Variants in TEX36 observed in about 807,000 individuals in gnomAD.
TEX36 encodes testis expressed 36, also known as testis-expressed protein 36.
Under a neutral mutation model 13.6 loss-of-function variants are expected in TEX36, and 12 were observed. The observed-to-expected ratio is 0.88, with a 90% CI of 0.56 to 1.43. The LOEUF is 1.43. Ranked by LOEUF, TEX36 falls within the 40% of genes most tolerant of loss-of-function variation. The pLI, the probability that TEX36 is intolerant of heterozygous loss-of-function variation, is 0.00. For missense variants in TEX36, 224 were observed against 228.3 expected (o/e 0.98, Z 0.12); for synonymous variants, 93 against 83.0 (o/e 1.12, Z -0.65).
At chr10:125,579,471 A>G (rs1199113470) in intron 3 of TEX36, among the ~76,000 whole-genome samples, 2 of 152,222 alleles carry the variant, frequency 1.3e-5, no homozygotes, top group African/African-American at 2.4e-5. Flanking sequence ...CGTGGGGATT[A>G]CAATTTGGAT....
At position 125,648,928 on chromosome 10, in the gene TEX36, G is replaced by T. The variant is rs539634937; in HGVS notation, c.264+12093C>A. Among the ~76,000 whole-genome samples, 6 of 152,286 alleles carry T rather than the reference G, an allele frequency of 3.9e-5. No homozygotes were observed. In the South Asian group the frequency reaches 1.2e-3, roughly 32 times the overall value. ...ATCAGTGATTGAAGATCAAATGAAT[G>T]AAATGAAGCAATAATAGAAGTTTAG... On this transcript the variant is annotated intron_variant, in intron 3 of 3. Transcript: ENST00000526819.
Position 125,636,244 on chromosome 10 carries a change from C to T in TEX36, c.265-14599G>A, listed in dbSNP as rs1356130402. 6.4e-5 allele frequency among the ~76,000 whole-genome samples: 9 copies of T among 141,300 alleles called. No homozygotes were observed. The East Asian group carries it at 8.4e-4, about 13-fold the overall frequency. The allele number at this position is 141,300 out of a possible 152,430, so 92.7% of individuals were successfully genotyped here. A position where few individuals can be genotyped will look rare whatever the true frequency, so the allele number is the denominator to read the frequency against. On this transcript the variant is annotated intron_variant, in intron 3 of 3. Transcript: ENST00000526819. ...TTTTTGAGACAGAGTCTTGCTCTGT[C>T]GCCCAGGCTGGAATGCAGTGGTGTG...
At chr10:125,640,058 T>C (rs1366709537) in intron 3 of TEX36, 1 of 638,282 alleles carries the variant, frequency 1.6e-6, no homozygotes, top group African/African-American at 2.0e-5. Context: ...CTGTGGTCAC[T>C]TATTATCCCG....
At chr10:125,654,072 T>A (rs1846905143), downstream of TEX36, among the ~76,000 whole-genome samples, 1 of 152,162 alleles carries the variant, frequency 6.6e-6, no homozygotes, top group Admixed American at 6.5e-5. Context: ...AAAATATAAA[T>A]TTTGGAAATG....
At chr10:125,577,162 G>T (rs987679497) in intron 3 of TEX36, among the ~76,000 whole-genome samples, 2 of 152,144 alleles carry the variant, frequency 1.3e-5, no homozygotes, top group African/African-American at 2.4e-5. Flanking sequence ...CAGGAAGGAA[G>T]TTTTCCAGGA....
intron 3 of TEX36, among the ~76,000 whole-genome samples, chr10:125,592,004 A>G (rs1182547716): frequency 6.6e-6 from 1 of 152,222 alleles, no homozygotes; most frequent in East Asian, 1.9e-4. Context: ...TAGAACTGCA[A>G]ATAAAACTCT....
Position 125,656,009 on chromosome 10 carries a change from C to T in TEX36, c.452G>A (p.Trp151Ter). The T allele has an allele frequency of 6.4e-7, 1 of 1,551,862 alleles. No homozygotes were observed. The highest frequency in any genetic ancestry group is 8.7e-7 in the Non-Finnish European group (1 of 1,146,996). The change falls in exon 4 of 4, where the codon TGG becomes TAG. Residue 151 changes from tryptophan (W) to a stop codon, truncating the protein, a stop_gained. Transcript: ENST00000368821. LOFTEE classifies it low-confidence loss of function (END_TRUNC). The stretch of plus-strand genomic sequence containing the variant: ...CTCAGGAAGAAATGTAAAAGCGTTC[C>T]ATATCTCTTTATAGCATCGTGGAAA... Reference protein sequence around the residue: ...RRFPRCYKEIWNAFTFLPERS... With the variant: ...RRFPRCYKEI
At chr10:125,641,767 T>C (rs570805176) in intron 3 of TEX36, among the ~76,000 whole-genome samples, 21 of 152,340 alleles carry the variant, frequency 1.4e-4, no homozygotes, top group African/African-American at 4.6e-4. Context: ...TTAAAGACTT[T>C]TGTTTTTGTA....
intron 1 of TEX36, among the ~76,000 whole-genome samples, chr10:125,673,710 CAAAAA>C (rs3064205): frequency 2.9e-5 from 2 of 68,440 alleles, no homozygotes; most frequent in African/African-American, 5.3e-5. Context: ...GACTCTCTCT[CAAAAA>C]AAAAAAAAAA....
chr10:125,613,439 C>G (rs1403437883), intron 3 of TEX36, among the ~76,000 whole-genome samples: 1 of 89,810 alleles, frequency 1.1e-5, no homozygotes, highest in Admixed American at 1.6e-4. Flanking sequence ...CCTCCCCCCA[C>G]CCCACAACAG....
downstream of TEX36, among the ~76,000 whole-genome samples, chr10:125,618,546 G>A (rs541479084): frequency 3.3e-3 from 509 of 152,204 alleles, 5 homozygotes; most frequent in African/African-American, 0.012. Context: ...GTACCCGGCT[G>A]TGTGAGGTGT....
At chr10:125,664,119 T>G (rs1462685482) in intron 1 of TEX36, among the ~76,000 whole-genome samples, 1 of 152,218 alleles carries the variant, frequency 6.6e-6, no homozygotes, top group African/African-American at 2.4e-5. Flanking sequence ...CCTGGCTTAT[T>G]TTACTTAACA....
At chr10:125,682,293 G>A (rs1847408726) in intron 1 of TEX36, among the ~76,000 whole-genome samples, 1 of 152,180 alleles carries the variant, frequency 6.6e-6, no homozygotes, top group Admixed American at 6.5e-5. Flanking sequence ...AAATCCCACA[G>A]GCTCTGTAAG....
intron 3 of TEX36, among the ~76,000 whole-genome samples, chr10:125,659,348 G>A (rs949811430): frequency 6.6e-6 from 1 of 152,186 alleles, no homozygotes; most frequent in African/African-American, 2.4e-5. Context: ...ATACATTTAT[G>A]TGTGTACATC....
downstream of TEX36, among the ~76,000 whole-genome samples, chr10:125,653,021 A>G (rs1264132109): frequency 6.6e-6 from 1 of 152,180 alleles, no homozygotes; most frequent in East Asian, 1.9e-4. Flanking sequence ...AAATAGGAAC[A>G]CTTTTACACT....
At chr10:125,637,886 A>G (rs1193289636) in intron 3 of TEX36, among the ~76,000 whole-genome samples, 1 of 151,996 alleles carries the variant, frequency 6.6e-6, no homozygotes, top group Non-Finnish European at 1.5e-5. Context: ...TCTGTTGGAA[A>G]AATCCCACAG....
intron 3 of TEX36, among the ~76,000 whole-genome samples, chr10:125,626,147 C>A (rs1397203608): frequency 6.6e-6 from 1 of 152,200 alleles, no homozygotes; most frequent in Non-Finnish European, 1.5e-5. Context: ...AGCCAAGAAG[C>A]CACTTTTCTG....
intron 1 of TEX36, among the ~76,000 whole-genome samples, chr10:125,672,932 G>A (rs1847256164): frequency 6.6e-6 from 1 of 152,084 alleles, no homozygotes; most frequent in Non-Finnish European, 1.5e-5. Flanking sequence ...GTTTTGTCCA[G>A]AAACTAGGCT....
rs188700640 is a variant in TEX36 at position 125,581,757 on chromosome 10, A to T, written c.265-4883T>A. On this transcript the variant is annotated intron_variant, in intron 3 of 3. Transcript: ENST00000532135. ...TAAGTCACTCAACCCTGGGATTTTG[A>T]GAGAAGTGGTCACTGGGGGATGTAG... 1.8e-4 allele frequency among the ~76,000 whole-genome samples: 28 copies of T among 152,294 alleles called. No homozygotes were observed. In the East Asian group the frequency reaches 5.2e-3, roughly 28 times the overall value.
Sources: allele counts gnomAD v4.1 joint callset (sites outside exome capture counted in the v4.1 genomes callset), GRCh38; gene constraint gnomAD v4.1.1; transcripts MANE v1.5; gene names NCBI Gene and HGNC (gene_info 2026-07-23, HGNC 2026-07-21).